Variants in ARID1B observed in about 807,000 individuals in gnomAD.
The protein encoded by ARID1B is AT-rich interaction domain 1B, also known as AT-rich interactive domain-containing protein 1B.
Under a neutral mutation model 212.3 loss-of-function variants are expected in ARID1B, and 30 were observed. That is an observed-to-expected ratio of 0.14 (90% CI 0.11 to 0.19). The LOEUF (loss-of-function observed/expected upper bound fraction) is 0.19, where lower values mean the gene tolerates loss of function less well. ARID1B is among the 10% of genes least tolerant of loss of function. The pLI, the probability that ARID1B is intolerant of heterozygous loss-of-function variation, is 1.00. For synonymous variants in ARID1B, 1,402 were observed against 1,301.7 expected (o/e 1.08, Z -1.66); for missense variants, 2,891 against 3,204.0 (o/e 0.90, Z 2.36).
In ARID1B at chr6:157,208,802, T is replaced by C. The variant is rs1794638981; in HGVS notation, c.*911T>C. The C allele has an allele frequency of 9.0e-6, 2 of 222,426 alleles. No homozygotes were observed. Among genetic ancestry groups the C allele is most frequent in the Admixed American group, 1.2e-4 (2 of 17,348 alleles). The allele number at this position is 222,426 out of a possible 1,614,324, so 13.8% of individuals were successfully genotyped here. On this transcript the variant is annotated 3_prime_UTR_variant, in exon 20 of 20. Transcript: ENST00000636930. ...AGTGATGGTAGATTTAAATAATTTT[T>C]TATTTTTATTTTATATATTTTTTCA...
At chr6:157,127,207 A>G (rs2128567227) in intron 6 of ARID1B, among the ~76,000 whole-genome samples, 1 of 152,278 alleles carries the variant, frequency 6.6e-6, no homozygotes, top group Non-Finnish European at 1.5e-5. Flanking sequence ...AAGTGCCCCT[A>G]CAACTATTGA....
chr6:157,010,278 G>GTTTTTTTTTTTTTTTTTTT (rs367851681), intron 4 of ARID1B, among the ~76,000 whole-genome samples: 3 of 102,292 alleles, frequency 2.9e-5, no homozygotes, highest in Admixed American at 9.9e-5. Context: ...TGCATTGCCT[G>GTTTTTTTTTTTTTTTTTTT]TTTTTTTTTT....
At position 157,175,045 on chromosome 6, in the gene ARID1B, G is replaced by GT. The variant is rs560179575; in HGVS notation, c.3504+47dup. The GT allele has an allele frequency of 1.7e-3, 2,188 of 1,325,988 alleles. 1 individual carries two copies. The highest frequency in any genetic ancestry group is 2.0e-3 in the Non-Finnish European group (2,028 of 1,024,744). The allele number at this position is 1,325,988 out of a possible 1,614,324, so 82.1% of individuals were successfully genotyped here. On this transcript the variant is annotated intron_variant, in intron 11 of 19. Coordinates refer to ENST00000636930, the MANE Select transcript of ARID1B (RefSeq NM_001374828.1). Reference sequence around the variant, plus strand: ...TTTTTTTTTGTTTTTTTTGTTTTTTGTTTTTTTGGGGTTTTTTGATAATTA... The same window carrying GT: ...TTTTTTTTTGTTTTTTTTGTTTTTTGTTTTTTTTGGGGTTTTTTGATAATTA...
intron 12 of ARID1B, among the ~76,000 whole-genome samples, chr6:157,182,043 T>C (rs956581346): frequency 1.3e-4 from 19 of 151,862 alleles, no homozygotes; most frequent in African/African-American, 4.4e-4. Context: ...AGGCCAGGAG[T>C]TGCAGACTAG....
intron 2 of ARID1B, among the ~76,000 whole-genome samples, chr6:156,851,504 G>T (rs571405646): frequency 1.3e-5 from 2 of 152,240 alleles, no homozygotes; most frequent in South Asian, 4.2e-4. Flanking sequence ...TTATTACAGG[G>T]TTTGTCTTCT....
At chr6:156,969,638 C>A (rs1218300794) in intron 4 of ARID1B, among the ~76,000 whole-genome samples, 1 of 152,190 alleles carries the variant, frequency 6.6e-6, no homozygotes, top group Non-Finnish European at 1.5e-5. Flanking sequence ...AGCTACTTAA[C>A]CACTTTCAAC....
chr6:156,902,111 C>A (rs753836339), intron 3 of ARID1B: 8 of 152,862 alleles, frequency 5.2e-5, no homozygotes, highest in Non-Finnish European at 1.0e-4. Context: ...ATTAAATACT[C>A]CTTTAGGTTA....
intron 2 of ARID1B, among the ~76,000 whole-genome samples, chr6:156,875,047 A>G (rs1786434432): frequency 3.3e-5 from 5 of 152,158 alleles, no homozygotes; most frequent in Admixed American, 3.3e-4. Flanking sequence ...TTTACTTGCT[A>G]AATTTTACAG....
At chr6:157,167,236 C>T in intron 9 of ARID1B, 51 bp downstream of exon 9, 1 of 1,561,156 alleles carries the variant, frequency 6.4e-7, no homozygotes, top group African/African-American at 1.4e-5. Context: ...CCCTCTCCTC[C>T]TCTTAGGCTC....
intron 6 of ARID1B, among the ~76,000 whole-genome samples, chr6:157,112,899 C>T (rs1208855359): frequency 1.3e-5 from 2 of 150,950 alleles, no homozygotes; most frequent in Non-Finnish European, 2.9e-5. Flanking sequence ...ACATAACAAG[C>T]TGGGTGGTTA....
chr6:156,806,312 AC>A (rs1259654152), intron 1 of ARID1B, among the ~76,000 whole-genome samples: 1 of 152,026 alleles, frequency 6.6e-6, no homozygotes, highest in East Asian at 1.9e-4. Flanking sequence ...TCAAGTTGGG[AC>A]CCCATGCCTT....
At chr6:156,911,450 A>G (rs1789884843) in intron 3 of ARID1B, among the ~76,000 whole-genome samples, 1 of 149,762 alleles carries the variant, frequency 6.7e-6, no homozygotes, top group Admixed American at 6.8e-5. Flanking sequence ...ACTCTTACAC[A>G]TTGCAGGATA....
intron 5 of ARID1B, among the ~76,000 whole-genome samples, chr6:157,099,650 T>G (rs924801158): frequency 6.6e-6 from 1 of 152,248 alleles, no homozygotes; most frequent in African/African-American, 2.4e-5. Flanking sequence ...GACCACATCA[T>G]ACTCACTTCT....
intron 4 of ARID1B, among the ~76,000 whole-genome samples, chr6:156,962,309 A>G (rs1794439178): frequency 6.6e-6 from 1 of 152,190 alleles, no homozygotes; most frequent in Non-Finnish European, 1.5e-5. Context: ...AAAAAAAACT[A>G]TAGAAAGGTA....
At chr6:157,168,074 A>G (rs1791455370) in intron 9 of ARID1B, 1 of 152,174 alleles carries the variant, frequency 6.6e-6, no homozygotes, top group East Asian at 1.9e-4. Flanking sequence ...GGACAGCCAG[A>G]TCCTTGGTTC....
intron 4 of ARID1B, among the ~76,000 whole-genome samples, chr6:157,065,841 ATGT>A (rs2128417691): frequency 6.6e-6 from 1 of 152,308 alleles, no homozygotes; most frequent in Admixed American, 6.5e-5. Flanking sequence ...CCATTTTTTA[ATGT>A]AAGTATTGTG....
intron 11 of ARID1B, among the ~76,000 whole-genome samples, chr6:157,178,971 A>T (rs1792313786): frequency 6.6e-6 from 1 of 152,222 alleles, no homozygotes; most frequent in African/African-American, 2.4e-5. Context: ...AATTGGAGCA[A>T]TTTTAAATTG....
At chr6:156,990,650 A>G (rs1342436317) in intron 4 of ARID1B, among the ~76,000 whole-genome samples, 1 of 151,984 alleles carries the variant, frequency 6.6e-6, no homozygotes, top group African/African-American at 2.4e-5. Context: ...AAAACGAACA[A>G]ACAAACAAAC....
intron 2 of ARID1B, among the ~76,000 whole-genome samples, chr6:156,863,382 A>T (rs888537881): frequency 2.0e-5 from 3 of 151,970 alleles, no homozygotes; most frequent in Non-Finnish European, 4.4e-5. Flanking sequence ...GACTTGGATG[A>T]CTCTGGATTC....
Sources: allele counts gnomAD v4.1 joint callset (sites outside exome capture counted in the v4.1 genomes callset), GRCh38; gene constraint gnomAD v4.1.1; transcripts MANE v1.5; gene names NCBI Gene and HGNC (gene_info 2026-07-23, HGNC 2026-07-21).